CYRIB: variants seen among roughly 807,000 people sequenced by gnomAD.
CYRIB encodes the protein CYFIP related Rac1 interactor B, also known as CYFIP-related Rac1 interactor B.
A neutral mutation model predicts 44.2 loss-of-function variants in CYRIB; 8 were observed. The observed-to-expected ratio is 0.18, with a 90% confidence interval of 0.11 to 0.33. The LOEUF is 0.33. Among genes scored for constraint, CYRIB ranks in the 10% least tolerant of loss-of-function variants. CYRIB has a pLI of 1.00. For missense variants in CYRIB, 185 were observed against 382.8 expected (o/e 0.48, Z 4.31); for synonymous variants, 131 against 127.2 (o/e 1.03, Z -0.20).
At chr8:129,993,277 C>A (rs1020494941) in intron 1 of CYRIB, among the ~76,000 whole-genome samples, 1 of 152,072 alleles carries the variant, frequency 6.6e-6, no homozygotes, top group Non-Finnish European at 1.5e-5. Flanking sequence ...CCTGTAATCC[C>A]AGCTACTTGG....
chr8:130,006,616 G>GTATATATATACACACATATA lies in CYRIB; in HGVS notation c.-296+9753_-296+9754insTATATGTGTGTATATATATA, dbSNP rs1354562582. 1.6e-3 allele frequency among the ~76,000 whole-genome samples: 5 copies of GTATATATATACACACATATA among 3,192 alleles called. 1 individual carries two copies. The highest frequency in any genetic ancestry group is 2.3e-3 in the African/African-American group (5 of 2,170). 2.1% of individuals were successfully genotyped at this position (3,192 alleles called of 152,430 possible). ...AAATTATATATATATACATATATAT[G>GTATATATATACACACATATA]TGTATATATATACATATATATGTGT... On this transcript the variant is annotated intron_variant, in intron 1 of 14. Coordinates refer to the CYRIB transcript ENST00000401979.
At chr8:129,962,641 G>C in intron 2 of CYRIB, among the ~76,000 whole-genome samples, 1 of 151,956 alleles carries the variant, frequency 6.6e-6, no homozygotes, top group South Asian at 2.1e-4. Flanking sequence ...TAATTTAATG[G>C]TATCCTTAAA....
intron 10 of CYRIB, among the ~76,000 whole-genome samples, chr8:129,848,012 G>T (rs1184537648): frequency 6.6e-6 from 1 of 151,958 alleles, no homozygotes; most frequent in Non-Finnish European, 1.5e-5. Context: ...CACCATGTTG[G>T]CCAGGCTGGT....
At chr8:129,869,590 A>T (rs2056083344) in intron 4 of CYRIB, among the ~76,000 whole-genome samples, 1 of 152,136 alleles carries the variant, frequency 6.6e-6, no homozygotes, top group Non-Finnish European at 1.5e-5. Context: ...TAAATCTTTC[A>T]CTTCCACAAA....
intron 1 of CYRIB, among the ~76,000 whole-genome samples, chr8:130,001,488 G>C (rs2133904985): frequency 6.6e-6 from 1 of 151,180 alleles, no homozygotes; most frequent in Non-Finnish European, 1.5e-5. Context: ...GTTCGTCAGT[G>C]GCTCTCATTC....
intron 1 of CYRIB, among the ~76,000 whole-genome samples, chr8:129,976,471 G>A (rs572668712): frequency 1.3e-5 from 2 of 152,206 alleles, no homozygotes; most frequent in East Asian, 3.9e-4. Flanking sequence ...AATTATTACG[G>A]CAATGTTTAA....
In CYRIB at chr8:129,849,227, TA is replaced by T; in HGVS notation, c.840+15del. 1 of 1,578,782 alleles carries T rather than the reference TA, an allele frequency of 6.3e-7. No individual in the cohort carries two copies. Among genetic ancestry groups the T allele is most frequent in the South Asian group, 1.2e-5 (1 of 84,570 alleles). ...AGAAACTCGTTTGAAATTATTTATATAAAACAATAACTTACATCAATTTTGG... is the reference window on the plus strand; with the variant it reads ...AGAAACTCGTTTGAAATTATTTATATAAACAATAACTTACATCAATTTTGG... On this transcript the variant is annotated intron_variant, in intron 10 of 11. Transcript: ENST00000519824.
chr8:129,949,634 G>T (rs1331664783), intron 2 of CYRIB, among the ~76,000 whole-genome samples: 1 of 151,888 alleles, frequency 6.6e-6, no homozygotes, highest in Non-Finnish European at 1.5e-5. Flanking sequence ...TTGGGAGGCC[G>T]AGGTGGGCAG....
chr8:129,967,926 T>C (rs1356018190), intron 2 of CYRIB, among the ~76,000 whole-genome samples: 1 of 152,176 alleles, frequency 6.6e-6, no homozygotes, highest in Non-Finnish European at 1.5e-5. Context: ...CACCATTATT[T>C]CATATACCCA....
At chr8:129,915,347 TC>T (rs1270769519) in intron 1 of CYRIB, among the ~76,000 whole-genome samples, 2 of 152,068 alleles carry the variant, frequency 1.3e-5, no homozygotes, top group African/African-American at 4.8e-5. Context: ...TAAATATAAA[TC>T]TCAAAATCAC....
At chr8:129,975,641 C>A (rs115472737) in intron 1 of CYRIB, among the ~76,000 whole-genome samples, 1 of 152,186 alleles carries the variant, frequency 6.6e-6, no homozygotes, top group Non-Finnish European at 1.5e-5. Flanking sequence ...CATTTTCTAG[C>A]CTGCTTCATT....
intron 1 of CYRIB, among the ~76,000 whole-genome samples, chr8:129,998,133 A>G (rs547432988): frequency 6.6e-6 from 1 of 151,204 alleles, no homozygotes; most frequent in Non-Finnish European, 1.5e-5. Flanking sequence ...AAAAAAAAAA[A>G]AAAAACAAAA....
intron 1 of CYRIB, among the ~76,000 whole-genome samples, chr8:129,994,144 G>A (rs2096712567): frequency 6.6e-6 from 1 of 152,112 alleles, no homozygotes; most frequent in Admixed American, 6.6e-5. Flanking sequence ...AGTAGGGTGG[G>A]GCCTAATAAG....
intron 1 of CYRIB, among the ~76,000 whole-genome samples, chr8:129,921,495 G>A (rs181148795): frequency 3.3e-5 from 5 of 152,178 alleles, no homozygotes; most frequent in African/African-American, 9.6e-5. Context: ...TCACTCTCTC[G>A]CCTAGACTGG....
chr8:129,853,340 T>G (rs2044364870), intron 7 of CYRIB, among the ~76,000 whole-genome samples: 1 of 152,174 alleles, frequency 6.6e-6, no homozygotes, highest in African/African-American at 2.4e-5. Flanking sequence ...TATGCAAAAA[T>G]CAAATTGATG....
At chr8:129,885,116 G>C (rs889317968) in intron 2 of CYRIB, among the ~76,000 whole-genome samples, 1 of 152,208 alleles carries the variant, frequency 6.6e-6, no homozygotes, top group Non-Finnish European at 1.5e-5. Flanking sequence ...AAGAGATGCT[G>C]TTACTTCACT....
chr8:129,915,563 G>A (rs2080295332), intron 1 of CYRIB, among the ~76,000 whole-genome samples: 1 of 152,198 alleles, frequency 6.6e-6, no homozygotes, highest in Admixed American at 6.5e-5. Context: ...GGGGCAGGTA[G>A]GGTGGATAGA....
rs200246188 is a variant in CYRIB, at chr8:129,939,126, T to TCGAGG, written c.-50+477_-50+481dup. Among the ~76,000 whole-genome samples the TCGAGG allele has an allele frequency of 9.8e-3, 1,482 of 151,566 alleles. 22 individuals are homozygous for TCGAGG. Among genetic ancestry groups the TCGAGG allele is most frequent in the African/African-American group, 0.033 (1,341 of 41,238 alleles). ...AACCAGGGACCAGGAGGGCTGGGTGTCGAGGCGAGGCGAGGCGAAGCCCGG... is the reference window on the plus strand; with the variant it reads ...AACCAGGGACCAGGAGGGCTGGGTGTCGAGGCGAGGCGAGGCGAGGCGAAGCCCGG... On this transcript the variant is annotated intron_variant, in intron 1 of 11. Coordinates refer to ENST00000519824, the Ensembl canonical transcript of CYRIB.
At chr8:129,876,514 T>C (rs1179159356) in intron 3 of CYRIB, among the ~76,000 whole-genome samples, 1 of 152,200 alleles carries the variant, frequency 6.6e-6, no homozygotes, top group Non-Finnish European at 1.5e-5. Flanking sequence ...GGCATAAATG[T>C]ATGTTGAACT....
Sources: allele counts gnomAD v4.1 joint callset (sites outside exome capture counted in the v4.1 genomes callset), GRCh38; gene constraint gnomAD v4.1.1; transcripts MANE v1.5; gene names NCBI Gene and HGNC (gene_info 2026-07-23, HGNC 2026-07-21).